The following CALN1 variants were observed in gnomAD, a reference collection of about 807,000 sequenced individuals.
CALN1 encodes calneuron 1.
Under a neutral mutation model 30.6 loss-of-function variants are expected in CALN1, and 17 were observed. The observed-to-expected ratio is 0.56, with a 90% CI of 0.38 to 0.83. The LOEUF is 0.83. CALN1 is among the 40% of genes least tolerant of loss of function. The probability of loss-of-function intolerance (pLI) is 0.00; values close to 1 mark genes in which losing one functional copy is unlikely to be tolerated. For missense variants in CALN1, 291 were observed against 354.9 expected (o/e 0.82, Z 1.45); for synonymous variants, 156 against 131.4 (o/e 1.19, Z -1.28).
intron 5 of CALN1, among the ~76,000 whole-genome samples, chr7:71,843,182 C>T (rs1385226875): frequency 6.6e-6 from 1 of 152,182 alleles, no homozygotes; most frequent in Non-Finnish European, 1.5e-5. Context: ...CTTCTCCTTT[C>T]CCCTCTTTAA....
At chr7:72,240,217 T>C (rs1003321144) in intron 3 of CALN1, among the ~76,000 whole-genome samples, 3 of 150,676 alleles carry the variant, frequency 2.0e-5, no homozygotes, top group Non-Finnish European at 4.4e-5. Flanking sequence ...TAAATAAAGA[T>C]GGGGTCTTGC....
intron 3 of CALN1, among the ~76,000 whole-genome samples, chr7:72,129,655 T>C (rs939074830): frequency 3.9e-5 from 6 of 152,166 alleles, no homozygotes; most frequent in African/African-American, 9.7e-5. Flanking sequence ...GGAGGGTTGG[T>C]AGCTAGGAGT....
intron 4 of CALN1, among the ~76,000 whole-genome samples, chr7:72,043,609 A>C (rs956018140): frequency 4.6e-5 from 7 of 152,072 alleles, no homozygotes; most frequent in African/African-American, 1.7e-4. Context: ...TCTTTACAAA[A>C]AATAAAAAAA....
chr7:71,884,924 A>C (rs1792810898), intron 5 of CALN1, among the ~76,000 whole-genome samples: 1 of 151,972 alleles, frequency 6.6e-6, no homozygotes, highest in Non-Finnish European at 1.5e-5. Context: ...TGAATAGGAA[A>C]ACTTGTCATC....
intron 5 of CALN1, among the ~76,000 whole-genome samples, chr7:71,879,558 G>A (rs933084751): frequency 6.6e-6 from 1 of 152,216 alleles, no homozygotes; most frequent in Admixed American, 6.5e-5. Context: ...CCCTCCTGTT[G>A]TTACTTCCCC....
intron 4 of CALN1, among the ~76,000 whole-genome samples, chr7:72,061,103 G>A: frequency 6.6e-6 from 1 of 152,062 alleles, no homozygotes; most frequent in East Asian, 1.9e-4. Context: ...AAAGAAAGCT[G>A]GTCAGAATTT....
chr7:72,446,527 G>A (rs76076393), intron 1 of CALN1, among the ~76,000 whole-genome samples: 2 of 152,100 alleles, frequency 1.3e-5, no homozygotes, highest in African/African-American at 2.4e-5. Flanking sequence ...GGGCGGGGAG[G>A]GGGGACAGGT....
chr7:72,377,100 T>A (rs1190900789), intron 2 of CALN1, among the ~76,000 whole-genome samples: 1 of 152,198 alleles, frequency 6.6e-6, no homozygotes, highest in East Asian at 1.9e-4. Flanking sequence ...AGCCTTGTAG[T>A]AAGTTTTGAA....
the CALN1 span, among the ~76,000 whole-genome samples, chr7:72,453,172 G>C: frequency 6.6e-6 from 1 of 152,196 alleles, no homozygotes; most frequent in African/African-American, 2.4e-5. Context: ...TGGGGCTTAG[G>C]CTGGGAAGTT....
At position 71,962,057 on chromosome 7, in the gene CALN1, C is replaced by T. The variant is rs144593929; in HGVS notation, c.501+61600G>A. 2.4e-4 allele frequency among the ~76,000 whole-genome samples: 36 copies of T among 151,890 alleles called. 1 individual carries two copies. In the East Asian group the frequency reaches 7.0e-3, roughly 30 times the overall value. ...TTTGTATCTGCGTATTCCGTTTTCT[C>T]ATAAAACAAGATGCAAGTGCAAGAT... On this transcript the variant is annotated intron_variant, in intron 5 of 6. Transcript: ENST00000395275.
At chr7:71,939,885 C>T (rs1163613500) in intron 5 of CALN1, among the ~76,000 whole-genome samples, 1 of 152,156 alleles carries the variant, frequency 6.6e-6, no homozygotes, top group Non-Finnish European at 1.5e-5. Flanking sequence ...ATGGGAGCTA[C>T]CAGGGAAGTT....
intron 5 of CALN1, among the ~76,000 whole-genome samples, chr7:71,928,461 A>AG (rs1229433652): frequency 6.6e-6 from 1 of 151,884 alleles, no homozygotes; most frequent in Non-Finnish European, 1.5e-5. Flanking sequence ...AAAAAAAAAA[A>AG]AAAGGTCTGT....
chr7:71,952,654 G>T (rs1319027171), intron 5 of CALN1, among the ~76,000 whole-genome samples: 1 of 94,168 alleles, frequency 1.1e-5, no homozygotes, highest in Non-Finnish European at 2.4e-5. Flanking sequence ...TAGATCGCTA[G>T]CGATCTCAAC....
Position 71,950,007 on chromosome 7 carries a change from C to T in CALN1, c.501+73650G>A, listed in dbSNP as rs143454750. Reference sequence around the variant, plus strand: ...TCAATCTCCTGACCTCATGATCTGCCTGCCTCAGCCTCCCAAAGTGTTGGG... The same window carrying T: ...TCAATCTCCTGACCTCATGATCTGCTTGCCTCAGCCTCCCAAAGTGTTGGG... On this transcript the variant is annotated intron_variant, in intron 5 of 6. Transcript: ENST00000395275. Among the ~76,000 whole-genome samples the T allele has an allele frequency of 6.9e-3, 1,046 of 152,260 alleles. 7 individuals are homozygous for T. Among genetic ancestry groups the T allele is most frequent in the African/African-American group, 0.023 (972 of 41,556 alleles).
rs111373766 is a variant in CALN1 at position 72,278,011 on chromosome 7, G to C, written c.244+675C>G. Among the ~76,000 whole-genome samples the C allele has an allele frequency of 3.2e-4, 36 of 113,932 alleles. 1 individual carries two copies. Among genetic ancestry groups the C allele is most frequent in the Middle Eastern group, 8.4e-3 (2 of 238 alleles). The allele number at this position is 113,932 out of a possible 152,430, so 74.7% of individuals were successfully genotyped here. A position where few individuals can be genotyped will look rare whatever the true frequency, so the allele number is the denominator to read the frequency against. On this transcript the variant is annotated intron_variant, in intron 3 of 6. Transcript: ENST00000395275. Reference sequence around the variant, plus strand: ...AAATCAACCTAATCCTCTATTCCGGGGGGGGGGGACTTGTTTTTCCTATTT... The same window carrying C: ...AAATCAACCTAATCCTCTATTCCGGCGGGGGGGGACTTGTTTTTCCTATTT...
At chr7:72,378,620 C>T (rs143653536) in intron 2 of CALN1, among the ~76,000 whole-genome samples, 11 of 152,154 alleles carry the variant, frequency 7.2e-5, no homozygotes, top group African/African-American at 2.6e-4. Flanking sequence ...AGTCGTCTTA[C>T]ACATTACTTT....
intron 3 of CALN1, among the ~76,000 whole-genome samples, chr7:72,188,407 T>C (rs1790360593): frequency 6.6e-6 from 1 of 152,110 alleles, no homozygotes; most frequent in Non-Finnish European, 1.5e-5. Flanking sequence ...TGCAGCAACA[T>C]GGATGGAATT....
chr7:71,906,284 T>C (rs1182526872), intron 5 of CALN1, among the ~76,000 whole-genome samples: 2 of 152,068 alleles, frequency 1.3e-5, no homozygotes, highest in Non-Finnish European at 2.9e-5. Context: ...AACTTTCCAT[T>C]TTCCAGGCTT....
intron 4 of CALN1, among the ~76,000 whole-genome samples, chr7:72,059,114 T>C (rs1157638891): frequency 6.6e-6 from 1 of 152,204 alleles, no homozygotes; most frequent in African/African-American, 2.4e-5. Flanking sequence ...ACAGAATATA[T>C]TCCTTTTAAA....
Sources: allele counts gnomAD v4.1 joint callset (sites outside exome capture counted in the v4.1 genomes callset), GRCh38; gene constraint gnomAD v4.1.1; transcripts MANE v1.5; gene names NCBI Gene and HGNC (gene_info 2026-07-23, HGNC 2026-07-21).